The following AOPEP variants were observed in gnomAD, a reference collection of about 807,000 sequenced individuals.
AOPEP encodes the protein aminopeptidase O (putative).
Under a neutral mutation model 98.1 loss-of-function variants are expected in AOPEP, and 77 were observed. The observed-to-expected ratio is 0.78, with a 90% CI of 0.65 to 0.95. The LOEUF is 0.95. Among genes scored for constraint, AOPEP ranks in the 40% least tolerant of loss-of-function variants. The pLI is 0.00. For synonymous variants in AOPEP, 346 were observed against 365.3 expected (o/e 0.95, Z 0.60); for missense variants, 1,024 against 1,024.7 (o/e 1.00, Z 0.01).
rs1358851689 is a variant in AOPEP, at chr9:94,930,261, G to A, written c.1661+1730G>A. 6.6e-6 allele frequency among the ~76,000 whole-genome samples: 1 copy of A among 152,206 alleles called. No individual in the cohort carries two copies. Among genetic ancestry groups the A allele is most frequent in the African/African-American group, 2.4e-5 (1 of 41,452 alleles). On this transcript the variant is annotated intron_variant, in intron 7 of 16. Transcript: ENST00000375315. This position sits in a 1 kb window ranked among gnomAD's most constrained non-coding sequence, Gnocchi z 4.5. ...GGCAGGTCTTTGGTTGATTGAATGTGGAGAAGAGGAAAATGAGTGTATCCA... is the reference window on the plus strand; with the variant it reads ...GGCAGGTCTTTGGTTGATTGAATGTAGAGAAGAGGAAAATGAGTGTATCCA...
intron 6 of AOPEP, among the ~76,000 whole-genome samples, chr9:94,925,554 T>C (rs1434443391): frequency 1.3e-5 from 2 of 152,220 alleles, no homozygotes; most frequent in African/African-American, 4.8e-5. Context: ...GTGCTTACCT[T>C]TTTAAACTTA....
chr9:94,741,267 AT>A lies in AOPEP; in HGVS notation c.-136+14523del, dbSNP rs531713786. ...CCCTTTTGTTTTTATTTTATTTTTTATTTTTTTATTTTTTTATTTTTTTGAG... is the reference window on the plus strand; with the variant it reads ...CCCTTTTGTTTTTATTTTATTTTTTATTTTTTATTTTTTTATTTTTTTGAG... On this transcript the variant is annotated intron_variant, in intron 1 of 16. Transcript: ENST00000375315. 8.2e-3 allele frequency among the ~76,000 whole-genome samples: 773 copies of A among 94,028 alleles called. 5 individuals are homozygous for A. The highest frequency in any genetic ancestry group is 0.059 in the African/African-American group (747 of 12,706). The allele number at this position is 94,028 out of a possible 152,430, so 61.7% of individuals were successfully genotyped here. A position where few individuals can be genotyped will look rare whatever the true frequency, so the allele number is the denominator to read the frequency against.
intron 5 of AOPEP, among the ~76,000 whole-genome samples, chr9:94,912,619 C>G (rs762323709): frequency 1.3e-5 from 2 of 152,162 alleles, no homozygotes; most frequent in Non-Finnish European, 2.9e-5. Flanking sequence ...CAGAAAACAC[C>G]AAAAAGCATC....
chr9:95,121,913 AG>A, the AOPEP span, among the ~76,000 whole-genome samples: 1 of 148,596 alleles, frequency 6.7e-6, no homozygotes, highest in South Asian at 2.1e-4. Flanking sequence ...GCTGGAGTGC[AG>A]TGGCGCAATC....
chr9:95,085,367 C>T (rs571263506), intron 16 of AOPEP: 1 of 493,374 alleles, frequency 2.0e-6, no homozygotes, highest in African/African-American at 1.9e-5. Context: ...TCTCGTAGCT[C>T]TTCTTTGGAA....
chr9:95,084,532 C>T (rs923793371), intron 16 of AOPEP, among the ~76,000 whole-genome samples: 6 of 152,144 alleles, frequency 3.9e-5, no homozygotes, highest in Admixed American at 6.5e-5. Flanking sequence ...GTTTCTCTTT[C>T]GTTTTGTTAT....
At chr9:94,727,785 A>ATTGGTT (rs752551122) in intron 1 of AOPEP, among the ~76,000 whole-genome samples, 80 of 152,336 alleles carry the variant, frequency 5.3e-4, no homozygotes, top group Non-Finnish European at 8.8e-4. Flanking sequence ...TTGGGGGACA[A>ATTGGTT]AGTAGAATAA....
intron 7 of AOPEP, chr9:94,931,787 A>C: frequency 6.5e-7 from 1 of 1,549,060 alleles, no homozygotes; most frequent in Non-Finnish European, 8.7e-7. Context: ...ATGTTTGACC[A>C]CTCTGTCCTA....
At chr9:95,008,040 TTAAAA>T (rs1220347933) in intron 13 of AOPEP, among the ~76,000 whole-genome samples, 3 of 152,266 alleles carry the variant, frequency 2.0e-5, no homozygotes, top group Non-Finnish European at 4.4e-5. Flanking sequence ...TTCTTCTGTG[TTAAAA>T]TAAAGCTATG....
chr9:94,738,698 C>T (rs963440733), intron 1 of AOPEP, among the ~76,000 whole-genome samples: 5 of 152,158 alleles, frequency 3.3e-5, no homozygotes, highest in East Asian at 1.9e-4. Flanking sequence ...CTCAGCCTCC[C>T]GAGTAGCTGG....
chr9:94,769,879 TG>T (rs1840468520), intron 2 of AOPEP, among the ~76,000 whole-genome samples: 1 of 152,046 alleles, frequency 6.6e-6, no homozygotes, highest in Admixed American at 6.6e-5. Context: ...TAGAACAAAA[TG>T]TCTAGAACTA....
intron 14 of AOPEP, among the ~76,000 whole-genome samples, chr9:95,063,683 T>G (rs2067544347): frequency 6.6e-6 from 1 of 152,238 alleles, no homozygotes; most frequent in Admixed American, 6.5e-5. Flanking sequence ...TAGCACCCGT[T>G]CTTCCCTTCA....
At chr9:94,813,919 A>T (rs1356484714) in intron 5 of AOPEP, among the ~76,000 whole-genome samples, 1 of 152,198 alleles carries the variant, frequency 6.6e-6, no homozygotes, top group East Asian at 1.9e-4. Context: ...CACAAGAAGG[A>T]ATTCAAGGAC....
chr9:94,950,419 TGG>T (rs1005248798), intron 7 of AOPEP, among the ~76,000 whole-genome samples: 7 of 152,200 alleles, frequency 4.6e-5, no homozygotes, highest in African/African-American at 1.7e-4. Context: ...CCGGACTGCA[TGG>T]GGCTTATGTT....
intron 16 of AOPEP, 106 bp from the exon 17 acceptor site, chr9:95,086,576 T>G (rs769469427): frequency 5.0e-6 from 5 of 993,508 alleles, no homozygotes; most frequent in Non-Finnish European, 4.8e-6. Flanking sequence ...GTCCTGTGAT[T>G]AAAGTCCTCT....
intron 14 of AOPEP, among the ~76,000 whole-genome samples, chr9:95,065,044 A>T (rs532905105): frequency 6.6e-6 from 1 of 152,070 alleles, no homozygotes; most frequent in Admixed American, 6.5e-5. Context: ...CTGCTGTTGG[A>T]GCTTCTTTTT....
At chr9:95,061,559 G>GT (rs1453509271) in intron 14 of AOPEP, among the ~76,000 whole-genome samples, 2 of 152,206 alleles carry the variant, frequency 1.3e-5, no homozygotes, top group Non-Finnish European at 2.9e-5. Context: ...GAGATGTGCT[G>GT]TAAGTATAAA....
intron 7 of AOPEP, among the ~76,000 whole-genome samples, chr9:94,947,335 G>T (rs2057750929): frequency 6.6e-6 from 1 of 152,040 alleles, no homozygotes; most frequent in Non-Finnish European, 1.5e-5. Context: ...CTAGAATGCA[G>T]TGGCGCAATC....
chr9:95,123,778 T>C, the AOPEP span: 2 of 700,176 alleles, frequency 2.9e-6, no homozygotes, highest in African/African-American at 3.5e-5. Flanking sequence ...TAGTCAGGAA[T>C]CGATCTTGTG....
Sources: gnomAD v4.1 joint callset for allele counts (sites outside exome capture counted in the v4.1 genomes callset) on GRCh38, gnomAD v4.1.1 for gene constraint, Gnocchi (gnomAD v3.1) non-coding constraint, MANE v1.5 for transcripts, NCBI Gene and HGNC (gene_info 2026-07-23, HGNC 2026-07-21) for gene names.